SARDH: variants seen among roughly 807,000 people sequenced by gnomAD.
SARDH encodes the protein sarcosine dehydrogenase, mitochondrial.
SARDH carries 95 observed loss-of-function variants against 109.1 expected under a neutral mutation model. The ratio of observed to expected loss-of-function variants is 0.87; its 90% CI spans 0.74 to 1.03. The LOEUF is 1.03. Among genes scored for constraint, SARDH ranks in the 50% least tolerant of loss-of-function variants. The pLI is 0.00. For synonymous variants in SARDH, 572 were observed against 534.8 expected, an observed-to-expected ratio of 1.07 and a Z score of -0.96; for missense variants, 1,267 against 1,287.8, an observed-to-expected ratio of 0.98 and a Z score of 0.25.
intron 17 of SARDH, among the ~76,000 whole-genome samples, chr9:133,673,102 T>G (rs2797836): frequency 6.6e-6 from 1 of 152,036 alleles, no homozygotes. Context: ...CCTGCTCCGC[T>G]GAGGACAGCT....
At position 133,712,927 on chromosome 9, in the gene SARDH, T is replaced by C; in HGVS notation, c.1237+111A>G. 2 of 1,150,762 alleles carry C rather than the reference T, an allele frequency of 1.7e-6. No individual in the cohort carries two copies. The highest frequency in any genetic ancestry group is 1.3e-5 in the South Asian group (1 of 75,352). The allele number at this position is 1,150,762 out of a possible 1,614,324, so 71.3% of individuals were successfully genotyped here. The stretch of plus-strand genomic sequence containing the variant: ...AGGGGCTGGACTCCCCAGCCTCTCC[T>C]GTCCCCACCACTGTCGGGGGCCACG... On this transcript the variant is annotated intron_variant, in intron 9 of 20. Transcript: ENST00000439388. The surrounding 1 kb of genome is among the most constrained non-coding windows in gnomAD (Gnocchi z 4.1).
chr9:133,722,277 A>G (rs1193792623), intron 6 of SARDH, among the ~76,000 whole-genome samples: 1 of 150,642 alleles, frequency 6.6e-6, no homozygotes, highest in African/African-American at 2.5e-5. Context: ...CATGAGAAGC[A>G]TTTGACAGAA....
rs991215024 is a variant in SARDH, at chr9:133,703,047, G to C, written c.1555-18C>G. On this transcript the variant is annotated intron_variant, in intron 12 of 20. Transcript: ENST00000439388. Reference sequence around the variant, plus strand: ...TCGAGGACCTGGGAAGAAAAGACGTGGTCCTCAGCCTGCCTCTTTGGCCCC... The same window carrying C: ...TCGAGGACCTGGGAAGAAAAGACGTCGTCCTCAGCCTGCCTCTTTGGCCCC... The C allele has an allele frequency of 8.7e-6, 14 of 1,603,336 alleles. No homozygotes were observed. In the African/African-American group the frequency reaches 1.6e-4, roughly 18 times the overall value.
chr9:133,667,194 GTTTTTTTTTT>G (rs59643474), intron 19 of SARDH: 2 of 318,828 alleles, frequency 6.3e-6, no homozygotes, highest in Non-Finnish European at 1.1e-5. Context: ...TTCAACTCTG[GTTTTTTTTTT>G]TTTTTTTTTT....
rs1829956734 is a variant in SARDH, at chr9:133,663,660, T to C, written c.*229A>G. ...GAGCCCAAGACACTTACAGGTTTGC[T>C]TTCTGGGAGGATTGGGGTGGATTAG... On this transcript the variant is annotated 3_prime_UTR_variant, in exon 21 of 21. Transcript: ENST00000439388. 1.7e-6 allele frequency: 1 copy of C among 583,996 alleles called. No homozygotes were observed. The highest frequency in any genetic ancestry group is 1.9e-5 in the African/African-American group (1 of 53,970). 36.2% of individuals were successfully genotyped at this position (583,996 alleles called of 1,614,324 possible). A position where few individuals can be genotyped will look rare whatever the true frequency, so the allele number is the denominator to read the frequency against.
chr9:133,668,328 TCCCTCTCCCTCATTCTCCCTCA>T (rs1830157415), intron 19 of SARDH, among the ~76,000 whole-genome samples: 1 of 63,562 alleles, frequency 1.6e-5, no homozygotes, highest in African/African-American at 6.7e-5. Context: ...ACCCTCCCTC[TCCCTCTCCCTCATTCTCCCTCA>T]CCCTCCCTCT....
chr9:133,702,896 G>A lies in SARDH; in HGVS notation c.1668+20C>T. ...GACAGGCAGAAGGACGGACCCCCAC[G>A]GTGGACCCCAGCTACGCACCGTGTC... On this transcript the variant is annotated intron_variant, in intron 13 of 20. Coordinates refer to ENST00000439388, the MANE Select transcript of SARDH (RefSeq NM_001134707.2). 1.9e-6 allele frequency: 3 copies of A among 1,606,066 alleles called. No individual in the cohort carries two copies. Among genetic ancestry groups the A allele is most frequent in the Non-Finnish European group, 2.5e-6 (3 of 1,176,808 alleles).
At position 133,708,320 on chromosome 9, in the gene SARDH, G is replaced by C; in HGVS notation, c.1437C>G (p.Ala479=). 4.3e-6 allele frequency: 7 copies of C among 1,613,288 alleles called. No individual in the cohort carries two copies. The highest frequency in any genetic ancestry group is 1.3e-5 in the African/African-American group (1 of 75,034). ...SVVFPHDEPL[A]GRNMRRDPLH... ...GCGGGTCTCTCCTCATGTTGCGCCCGGCCAGCGGCTCATCGTGGGGGAAGA... is the reference window on the plus strand; with the variant it reads ...GCGGGTCTCTCCTCATGTTGCGCCCCGCCAGCGGCTCATCGTGGGGGAAGA... Residue 479 remains alanine, a synonymous_variant, in exon 11 of 21, where the codon GCC becomes GCG. Coordinates refer to ENST00000439388, the MANE Select transcript of SARDH (RefSeq NM_001134707.2).
At position 133,692,499 on chromosome 9, in the gene SARDH, C is replaced by T. The variant is rs1831134323; in HGVS notation, c.1921+1759G>A. On this transcript the variant is annotated intron_variant, in intron 15 of 20. Transcript: ENST00000439388. The surrounding 1 kb of genome is among the most constrained non-coding windows in gnomAD (Gnocchi z 5.0). ...ACCTCTACACCCTTGTAGCCAGTGG[C>T]TCCTCCCCATCCTTCCAAGCTCAGG... Among the ~76,000 whole-genome samples, 1 of 152,150 alleles carries T rather than the reference C, an allele frequency of 6.6e-6. No individual in the cohort carries two copies. Among genetic ancestry groups the T allele is most frequent in the Non-Finnish European group, 1.5e-5 (1 of 68,022 alleles).
At chr9:133,662,888 T>C (rs999380873), downstream of SARDH, among the ~76,000 whole-genome samples, 1 of 152,120 alleles carries the variant, frequency 6.6e-6, no homozygotes, top group Non-Finnish European at 1.5e-5. The surrounding 1 kb of genome is among the most constrained non-coding windows in gnomAD (Gnocchi z 5.1). Context: ...GCACGTGGGA[T>C]GGACAGAGAT....
chr9:133,717,084 G>T (rs924943911), intron 8 of SARDH, among the ~76,000 whole-genome samples: 3 of 152,198 alleles, frequency 2.0e-5, no homozygotes, highest in African/African-American at 7.2e-5. Flanking sequence ...GAGGCAGGAG[G>T]AGGCCCTGGC....
intron 8 of SARDH, among the ~76,000 whole-genome samples, chr9:133,716,037 T>C (rs886083219): frequency 2.6e-5 from 4 of 152,172 alleles, no homozygotes; most frequent in African/African-American, 9.7e-5. Flanking sequence ...GGAACCCCAA[T>C]GTGGGGGATT....
rs974460539 is a variant in SARDH at position 133,693,409 on chromosome 9, G to A, written c.1921+849C>T. On this transcript the variant is annotated intron_variant, in intron 15 of 20. Coordinates refer to ENST00000439388, the MANE Select transcript of SARDH (RefSeq NM_001134707.2). The surrounding 1 kb of genome is among the most constrained non-coding windows in gnomAD (Gnocchi z 5.6). The stretch of plus-strand genomic sequence containing the variant: ...AAACAACTACATTTGCCAGCAGCAC[G>A]GAGTCAGGTCAAGAACCAGGAGATG... Among the ~76,000 whole-genome samples the A allele has an allele frequency of 7.2e-5, 11 of 152,186 alleles. No individual in the cohort carries two copies. Among genetic ancestry groups the A allele is most frequent in the Non-Finnish European group, 1.0e-4 (7 of 68,026 alleles).
chr9:133,662,399 C>T (rs1377137631), downstream of SARDH, among the ~76,000 whole-genome samples: 1 of 152,120 alleles, frequency 6.6e-6, no homozygotes, highest in Admixed American at 6.5e-5. The surrounding 1 kb of genome is among the most constrained non-coding windows in gnomAD (Gnocchi z 5.1). Flanking sequence ...GCCAGGCCAT[C>T]TGGGGAGCCG....
chr9:133,682,723 T>C (rs1830739870), intron 17 of SARDH, among the ~76,000 whole-genome samples: 1 of 107,874 alleles, frequency 9.3e-6, no homozygotes, highest in Non-Finnish European at 1.8e-5. Flanking sequence ...GCAGTGATGG[T>C]TGGAAACTGC....
intron 12 of SARDH, chr9:133,703,646 C>G (rs941618695): frequency 6.5e-6 from 1 of 152,814 alleles, no homozygotes; most frequent in African/African-American, 2.4e-5. Context: ...CTGGCCGCTG[C>G]TCCTGCAGAC....
intron 14 of SARDH, 143 bp downstream of exon 14, chr9:133,696,080 G>T (rs886865517): frequency 1.1e-6 from 1 of 942,898 alleles, no homozygotes; most frequent in Admixed American, 2.3e-5. Flanking sequence ...GGCCGGACGG[G>T]GGGGAGCTCA....
rs2131419899 is a variant in SARDH at position 133,704,230 on chromosome 9, G to A, written c.1554+718C>T. ...CCTGGAGCTCTGGAGCCTGGCCTGG[G>A]CTGTGGGTTGCCATGGGGATGGAAG... On this transcript the variant is annotated intron_variant, in intron 12 of 20. Coordinates refer to ENST00000439388, the MANE Select transcript of SARDH (RefSeq NM_001134707.2). This position sits in a 1 kb window ranked among gnomAD's most constrained non-coding sequence, Gnocchi z 4.5. 6.6e-6 allele frequency among the ~76,000 whole-genome samples: 1 copy of A among 152,310 alleles called. No homozygotes were observed. Among genetic ancestry groups the A allele is most frequent in the African/African-American group, 2.4e-5 (1 of 41,574 alleles).
chr9:133,728,515 C>T lies in SARDH; in HGVS notation c.915+1250G>A, dbSNP rs759198872. 6.6e-6 allele frequency among the ~76,000 whole-genome samples: 1 copy of T among 152,218 alleles called. No individual in the cohort carries two copies. The highest frequency in any genetic ancestry group is 1.5e-5 in the Non-Finnish European group (1 of 68,046). On this transcript the variant is annotated intron_variant, in intron 6 of 20. Coordinates refer to ENST00000439388, the MANE Select transcript of SARDH (RefSeq NM_001134707.2). This position sits in a 1 kb window ranked among gnomAD's most constrained non-coding sequence, Gnocchi z 5.0. The stretch of plus-strand genomic sequence containing the variant: ...TGCACGCTCCTTGTCCACCATGCCA[C>T]CCTCAAGAGCCTCACCTAGATGCAG...
Sources: gnomAD v4.1 joint callset for allele counts (sites outside exome capture counted in the v4.1 genomes callset) on GRCh38, gnomAD v4.1.1 for gene constraint, Gnocchi (gnomAD v3.1) non-coding constraint, MANE v1.5 for transcripts, NCBI Gene and HGNC (gene_info 2026-07-23, HGNC 2026-07-21) for gene names.